Variants in ADARB2 observed in about 807,000 individuals in gnomAD.
ADARB2 encodes inactive double-stranded RNA-specific editase B2.
Under a neutral mutation model 62.2 loss-of-function variants are expected in ADARB2, and 25 were observed. The observed-to-expected ratio is 0.40, with a 90% CI of 0.29 to 0.56. The LOEUF is 0.56. Ranked by LOEUF, ADARB2 falls within the 20% of genes least tolerant of loss-of-function variation. ADARB2 has a pLI of 0.43. For missense variants in ADARB2, 1,071 were observed against 1,077.4 expected, an observed-to-expected ratio of 0.99 and a Z score of 0.08; for synonymous variants, 572 against 500.8, an observed-to-expected ratio of 1.14 and a Z score of -1.90.
chr10:1,484,343 G>C (rs1045116612), intron 1 of ADARB2, among the ~76,000 whole-genome samples: 1 of 152,122 alleles, frequency 6.6e-6, no homozygotes, highest in Non-Finnish European at 1.5e-5. Flanking sequence ...TTAAACACTC[G>C]CGTGTGAGAA....
rs539172558 is a variant in ADARB2 at position 1,351,220 on chromosome 10, T to A, written c.1077+11808A>T. 1.3e-3 allele frequency among the ~76,000 whole-genome samples: 195 copies of A among 152,324 alleles called. 2 individuals carry two copies. Among genetic ancestry groups the A allele is most frequent in the African/African-American group, 4.5e-3 (186 of 41,564 alleles). On this transcript the variant is annotated intron_variant, in intron 3 of 9. Transcript: ENST00000381312. ...TCTTCTCGGCTTAGCGCTTGAAGACTGACGCTGCCCGATCACCTCAGAAGC... is the reference window on the plus strand; with the variant it reads ...TCTTCTCGGCTTAGCGCTTGAAGACAGACGCTGCCCGATCACCTCAGAAGC...
intron 1 of ADARB2, among the ~76,000 whole-genome samples, chr10:1,714,456 AG>A (rs1834991007): frequency 6.6e-6 from 1 of 152,232 alleles, no homozygotes; most frequent in African/African-American, 2.4e-5. Context: ...AGCTGCCTCT[AG>A]GCACGCATCT....
intron 7 of ADARB2, among the ~76,000 whole-genome samples, chr10:1,208,714 T>C (rs1423043457): frequency 6.6e-6 from 1 of 152,216 alleles, no homozygotes; most frequent in South Asian, 2.1e-4. Flanking sequence ...TAAGTGGTCA[T>C]GTAATTATCA....
intron 1 of ADARB2, among the ~76,000 whole-genome samples, chr10:1,545,187 C>T (rs1832501309): frequency 6.6e-6 from 1 of 152,150 alleles, no homozygotes; most frequent in Non-Finnish European, 1.5e-5. Context: ...ACAGTGCAGC[C>T]ATGGCTCCAT....
chr10:1,290,769 A>G (rs1831459045), intron 3 of ADARB2: 1 of 152,270 alleles, frequency 6.6e-6, no homozygotes, highest in African/African-American at 2.4e-5. Context: ...ATCTGTTTAC[A>G]CACATTAACG....
intron 1 of ADARB2, among the ~76,000 whole-genome samples, chr10:1,417,672 C>T (rs1832816411): frequency 6.6e-6 from 1 of 152,160 alleles, no homozygotes; most frequent in Admixed American, 6.5e-5. Flanking sequence ...TGGTTTTTGC[C>T]TCCCCACTCT....
chr10:1,311,160 C>G (rs981640138), intron 3 of ADARB2, among the ~76,000 whole-genome samples: 1 of 152,174 alleles, frequency 6.6e-6, no homozygotes, highest in African/African-American at 2.4e-5. Context: ...GTTGTGTGAT[C>G]TCAAGCAAAC....
intron 3 of ADARB2, among the ~76,000 whole-genome samples, chr10:1,289,492 G>A (rs1028146374): frequency 1.1e-4 from 17 of 152,312 alleles, no homozygotes; most frequent in Admixed American, 3.3e-4. Context: ...GGCCTTCAGG[G>A]GGAGGCCTCT....
intron 1 of ADARB2, among the ~76,000 whole-genome samples, chr10:1,657,847 A>G (rs1418302751): frequency 6.6e-6 from 1 of 150,818 alleles, no homozygotes; most frequent in Non-Finnish European, 1.5e-5. Context: ...TCTGTCTCTG[A>G]TTCTCTCTCT....
intron 3 of ADARB2, among the ~76,000 whole-genome samples, chr10:1,328,946 A>C (rs75470163): frequency 6.8e-6 from 1 of 146,430 alleles, no homozygotes. Context: ...GCAGTGAGCC[A>C]TGATTGCACC....
At chr10:1,404,232 T>C (rs1301688722) in intron 1 of ADARB2, among the ~76,000 whole-genome samples, 3 of 71,428 alleles carry the variant, frequency 4.2e-5, no homozygotes, top group Non-Finnish European at 8.8e-5. Context: ...TGCCAGGAGC[T>C]CTATGCTTGG....
At chr10:1,274,961 C>A (rs929356967) in intron 3 of ADARB2, among the ~76,000 whole-genome samples, 1 of 152,212 alleles carries the variant, frequency 6.6e-6, no homozygotes, top group Non-Finnish European at 1.5e-5. Flanking sequence ...CGGCTGGCAC[C>A]CCAAGAAGGC....
intron 3 of ADARB2, among the ~76,000 whole-genome samples, chr10:1,296,410 G>A (rs956630430): frequency 5.3e-5 from 8 of 152,152 alleles, no homozygotes; most frequent in Non-Finnish European, 7.3e-5. Context: ...CCCCATTATC[G>A]GAGGACAGGA....
intron 1 of ADARB2, among the ~76,000 whole-genome samples, chr10:1,627,455 A>G (rs1833785017): frequency 6.6e-6 from 1 of 152,122 alleles, no homozygotes; most frequent in African/African-American, 2.4e-5. Flanking sequence ...GCACAGTTCA[A>G]TGTCTATCAG....
intron 1 of ADARB2, among the ~76,000 whole-genome samples, chr10:1,511,358 G>A (rs1183416410): frequency 6.6e-6 from 1 of 152,160 alleles, no homozygotes; most frequent in East Asian, 1.9e-4. Flanking sequence ...GAATTCAACA[G>A]TAAACAGAAA....
chr10:1,437,225 T>TAC, intron 1 of ADARB2, among the ~76,000 whole-genome samples: 1 of 110,020 alleles, frequency 9.1e-6, no homozygotes, highest in East Asian at 2.9e-4. Context: ...TATACATATA[T>TAC]ATATATACAC....
At chr10:1,409,803 ATAGGGAAGGATTCTCAG>A (rs1416682441) in intron 1 of ADARB2, among the ~76,000 whole-genome samples, 1 of 124,606 alleles carries the variant, frequency 8.0e-6, no homozygotes, top group African/African-American at 2.7e-5. Context: ...GGCCGTGGTC[ATAGGGAAGGATTCTCAG>A]TGGTGCTGAG....
chr10:1,186,985 C>A (rs1305236793), intron 8 of ADARB2, among the ~76,000 whole-genome samples: 3 of 152,254 alleles, frequency 2.0e-5, no homozygotes, highest in Non-Finnish European at 4.4e-5. Flanking sequence ...GACCCCAGAT[C>A]CTCTGCTGCT....
At chr10:1,403,976 C>G (rs185424833) in intron 1 of ADARB2, among the ~76,000 whole-genome samples, 25 of 146,452 alleles carry the variant, frequency 1.7e-4, no homozygotes, top group Non-Finnish European at 3.6e-4. Context: ...TTGTGGGGAG[C>G]GACATTGCAC....
Sources: allele counts gnomAD v4.1 joint callset (sites outside exome capture counted in the v4.1 genomes callset), GRCh38; gene constraint gnomAD v4.1.1; transcripts MANE v1.5; gene names NCBI Gene and HGNC (gene_info 2026-07-23, HGNC 2026-07-21).